The following C1GALT1 variants were observed in gnomAD, a reference collection of about 807,000 sequenced individuals.
The protein encoded by C1GALT1 is core 1 synthase, glycoprotein-N-acetylgalactosamine 3-beta-galactosyltransferase 1, also known as glycoprotein-N-acetylgalactosamine 3-beta-galactosyltransferase 1.
C1GALT1 carries 11 observed loss-of-function variants against 31.0 expected under a neutral mutation model. The ratio of observed to expected loss-of-function variants is 0.36; its 90% CI spans 0.22 to 0.59. C1GALT1 has a LOEUF of 0.59. Ranked by LOEUF, C1GALT1 falls within the 20% of genes least tolerant of loss-of-function variation. The pLI, the probability that C1GALT1 is intolerant of heterozygous loss-of-function variation, is 0.79. For missense variants in C1GALT1, 424 were observed against 425.2 expected (o/e 1.00, Z 0.03); for synonymous variants, 175 against 143.6 (o/e 1.22, Z -1.56).
chr7:7,204,657 G>T (rs549953698), intron 1 of C1GALT1, among the ~76,000 whole-genome samples: 77 of 152,122 alleles, frequency 5.1e-4, no homozygotes, highest in African/African-American at 1.5e-3. Context: ...TTCTTGAATT[G>T]AGAACTTTCT....
intron 1 of C1GALT1, among the ~76,000 whole-genome samples, chr7:7,226,459 G>A (rs1782764044): frequency 6.6e-6 from 1 of 152,132 alleles, no homozygotes; most frequent in African/African-American, 2.4e-5. Flanking sequence ...GTGCGCTCAT[G>A]GTAAAGGGCA....
intron 1 of C1GALT1, among the ~76,000 whole-genome samples, chr7:7,227,514 A>C (rs1474647023): frequency 6.6e-6 from 1 of 152,010 alleles, no homozygotes; most frequent in Non-Finnish European, 1.5e-5. Context: ...AGGTCGGGAG[A>C]TCGAGACCAT....
chr7:7,211,038 CT>C (rs1489825982), intron 1 of C1GALT1, among the ~76,000 whole-genome samples: 1 of 152,170 alleles, frequency 6.6e-6, no homozygotes, highest in Non-Finnish European at 1.5e-5. Flanking sequence ...CTACTTACTG[CT>C]GAAAAGGGGC....
At chr7:7,158,112 T>C (rs1296196245) in intron 2 of C1GALT1, among the ~76,000 whole-genome samples, 2 of 152,234 alleles carry the variant, frequency 1.3e-5, no homozygotes, top group Non-Finnish European at 2.9e-5. Flanking sequence ...ATTTCTCTGA[T>C]GAATACAGTA....
intron 1 of C1GALT1, among the ~76,000 whole-genome samples, chr7:7,215,081 T>C (rs1457174052): frequency 6.6e-6 from 1 of 152,130 alleles, no homozygotes; most frequent in Non-Finnish European, 1.5e-5. Context: ...CATTGTAAAA[T>C]GGTGGAGACT....
chr7:7,240,845 C>T (rs1296359634), intron 3 of C1GALT1, among the ~76,000 whole-genome samples: 1 of 151,944 alleles, frequency 6.6e-6, no homozygotes, highest in Non-Finnish European at 1.5e-5. Flanking sequence ...AGTTTTCTTC[C>T]CCCTAAATGA....
intron 3 of C1GALT1, 45 bp from the exon 4 acceptor site, chr7:7,243,479 C>T: frequency 7.2e-7 from 1 of 1,389,516 alleles, no homozygotes; most frequent in Non-Finnish European, 9.9e-7. Flanking sequence ...TTGTAGCTAG[C>T]AATGTGCTGT....
At chr7:7,178,437 G>T (rs147764510), upstream of C1GALT1, 3,059 of 181,340 alleles carry the variant, frequency 0.017, 96 homozygotes, top group African/African-American at 0.068. Flanking sequence ...CAGACAAGAT[G>T]GCTGTCTGGT....
Position 7,243,636 on chromosome 7 carries a change from G to A in C1GALT1, c.1001G>A (p.Arg334Lys). The A allele has an allele frequency of 1.9e-6, 3 of 1,612,320 alleles. No homozygotes were observed. Among genetic ancestry groups the A allele is most frequent in the Non-Finnish European group, 2.5e-6 (3 of 1,179,232 alleles). The change falls in exon 4 of 4, where the codon AGA becomes AAA. Residue 334 changes from arginine to lysine, a missense_variant. By Grantham distance (26) the Arg-to-Lys change is conservative. Around this residue, in one of 3 missense-constraint regions of C1GALT1, gnomAD observed 191 missense variants for 188.8 expected, o/e 1.01. Coordinates refer to ENST00000436587, the MANE Select transcript of C1GALT1 (RefSeq NM_020156.5). ...YHLRPYGYLY[R>K]YQPTLPERIL... ...CTTCGTCCATATGGTTATTTATACA[G>A]ATATCAACCTACCTTACCTGAACGT...
chr7:7,198,159 T>C (rs1049589125), intron 1 of C1GALT1, among the ~76,000 whole-genome samples: 4 of 152,216 alleles, frequency 2.6e-5, no homozygotes, highest in African/African-American at 9.6e-5. Context: ...GAGTATGATA[T>C]TGGCTGTGGG....
intron 1 of C1GALT1, among the ~76,000 whole-genome samples, chr7:7,204,551 C>T (rs1781656356): frequency 1.3e-5 from 2 of 151,828 alleles, no homozygotes; most frequent in Non-Finnish European, 2.9e-5. Flanking sequence ...TTCCTGTTTC[C>T]CATTTTGTTT....
At chr7:7,210,501 C>T (rs1389387961) in intron 1 of C1GALT1, 2 of 149,636 alleles carry the variant, frequency 1.3e-5, no homozygotes, top group Non-Finnish European at 2.9e-5. Flanking sequence ...AAGAAGCTCC[C>T]CCGTACAGAG....
At position 7,238,914 on chromosome 7, in the gene C1GALT1, C is replaced by T. The variant is rs1461489992; in HGVS notation, c.880C>T (p.Pro294Ser). ...GTACTGGAATTACAACTATTATCCT[C>T]CTGTAGAGGTAAGTTTAGAAATTTT... ...FWYWNYNYYP[P>S]VEGPGCCSDL... The change falls in exon 3 of 4, where the codon CCT (proline) becomes TCT (serine). Residue 294 changes from proline (P) to serine (S), a missense_variant. Pro to Ser is a moderately conservative substitution (Grantham distance 74, BLOSUM62 -1). Around this residue, in one of 3 missense-constraint regions of C1GALT1, gnomAD observed 191 missense variants for 188.8 expected, o/e 1.01. Coordinates refer to ENST00000436587, the MANE Select transcript of C1GALT1 (RefSeq NM_020156.5). This position sits in a 1 kb window ranked among gnomAD's most constrained non-coding sequence, Gnocchi z 5.2. 4.4e-6 allele frequency: 7 copies of T among 1,602,386 alleles called. No homozygotes were observed. The highest frequency in any genetic ancestry group is 1.7e-5 in the Admixed American group (1 of 57,166).
At chr7:7,188,655 T>G (rs1346254073) in intron 1 of C1GALT1, among the ~76,000 whole-genome samples, 1 of 152,198 alleles carries the variant, frequency 6.6e-6, no homozygotes, top group East Asian at 1.9e-4. Context: ...TAGCTCTTGT[T>G]AAATATCATA....
At chr7:7,222,742 A>C (rs1156413625) in intron 1 of C1GALT1, among the ~76,000 whole-genome samples, 1 of 152,236 alleles carries the variant, frequency 6.6e-6, no homozygotes, top group African/African-American at 2.4e-5. Flanking sequence ...AGTTTTTAAG[A>C]AAATGTTGAT....
At chr7:7,233,480 C>T (rs1303912033) in intron 1 of C1GALT1, among the ~76,000 whole-genome samples, 1 of 152,154 alleles carries the variant, frequency 6.6e-6, no homozygotes, top group Non-Finnish European at 1.5e-5. Context: ...ACCATGTTGT[C>T]CAGGCTGGTC....
At chr7:7,232,736 C>T (rs532410506) in intron 1 of C1GALT1, among the ~76,000 whole-genome samples, 16 of 152,168 alleles carry the variant, frequency 1.1e-4, no homozygotes, top group East Asian at 7.8e-4. Flanking sequence ...GTGATCCACC[C>T]GCCTTGGCCT....
At chr7:7,203,501 A>G (rs1367455735) in intron 1 of C1GALT1, among the ~76,000 whole-genome samples, 20 of 151,904 alleles carry the variant, frequency 1.3e-4, no homozygotes, top group Non-Finnish European at 2.8e-4. Context: ...TATTGCCTTG[A>G]TTGATTTCCA....
rs377107509 is a variant in C1GALT1, at chr7:7,163,613, C to T, written c.-18+6187C>T. Among the ~76,000 whole-genome samples the T allele has an allele frequency of 4.6e-4, 70 of 152,044 alleles. 1 individual carries two copies. In the East Asian group the frequency reaches 8.9e-3, roughly 19 times the overall value. On this transcript the variant is annotated intron_variant, in intron 2 of 3. Coordinates refer to the C1GALT1 transcript ENST00000429911. Reference sequence around the variant, plus strand: ...TCCTTAAGCTGATAAGCAACTTCAGCAAAGTCTCAGGATACAAAATCCATG... The same window carrying T: ...TCCTTAAGCTGATAAGCAACTTCAGTAAAGTCTCAGGATACAAAATCCATG...
Sources: allele counts gnomAD v4.1 joint callset (sites outside exome capture counted in the v4.1 genomes callset), GRCh38; gene constraint gnomAD v4.1.1; regional missense constraint gnomAD v4.1.1; non-coding constraint Gnocchi (gnomAD v3.1); transcripts MANE v1.5; gene names NCBI Gene and HGNC (gene_info 2026-07-23, HGNC 2026-07-21).